Variants in TNKS observed in about 807,000 individuals in gnomAD.
TNKS encodes poly [ADP-ribose] polymerase tankyrase-1.
In TNKS, 72 loss-of-function variants were observed where a neutral mutation model predicts 135.8. That is an observed-to-expected ratio of 0.53 (90% CI 0.44 to 0.64). The LOEUF is 0.64. TNKS is among the 30% of genes least tolerant of loss of function. The pLI, the probability that TNKS is intolerant of heterozygous loss-of-function variation, is 0.00. For synonymous variants in TNKS, 849 were observed against 649.3 expected (o/e 1.31, Z -4.68); for missense variants, 1,769 against 1,674.0 (o/e 1.06, Z -0.99).
chr8:9,647,832 G>T (rs1004421991), intron 3 of TNKS, among the ~76,000 whole-genome samples: 4 of 152,286 alleles, frequency 2.6e-5, no homozygotes, highest in Non-Finnish European at 4.4e-5. Flanking sequence ...AGTTGTCATT[G>T]TGTGAACATC....
chr8:9,619,069 C>T (rs1275831693), intron 3 of TNKS, among the ~76,000 whole-genome samples: 2 of 152,072 alleles, frequency 1.3e-5, no homozygotes, highest in African/African-American at 4.8e-5. Context: ...TTTATTCTTC[C>T]CTGTGAATTT....
intron 25 of TNKS, among the ~76,000 whole-genome samples, chr8:9,766,698 C>G (rs1325279510): frequency 6.6e-6 from 1 of 152,062 alleles, no homozygotes; most frequent in Non-Finnish European, 1.5e-5. Context: ...GTTGGCCAAG[C>G]TGGTCTCGAA....
chr8:9,694,591 G>A (rs964869804), intron 5 of TNKS, among the ~76,000 whole-genome samples: 9 of 151,850 alleles, frequency 5.9e-5, no homozygotes, highest in East Asian at 5.8e-4. Context: ...GTGAAACTCC[G>A]CCTCTACTAA....
chr8:9,650,107 G>C lies in TNKS; in HGVS notation c.995-29844G>C, dbSNP rs1005221553. Among the ~76,000 whole-genome samples, 5 of 151,986 alleles carry C rather than the reference G, an allele frequency of 3.3e-5. No individual in the cohort carries two copies. The East Asian group carries it at 7.7e-4, about 24-fold the overall frequency. On this transcript the variant is annotated intron_variant, in intron 3 of 26. Coordinates refer to ENST00000310430, the MANE Select transcript of TNKS (RefSeq NM_003747.3). ...GGGTTTCACCATGTTGCCCAGGCTG[G>C]TTTCAAATTCCTGACCTCAGGTGAT...
chr8:9,661,853 A>G (rs1801732065), intron 3 of TNKS, among the ~76,000 whole-genome samples: 1 of 152,240 alleles, frequency 6.6e-6, no homozygotes, highest in Non-Finnish European at 1.5e-5. Flanking sequence ...AAGGGCTAAT[A>G]TCCAGAATTT....
intron 3 of TNKS, chr8:9,671,056 G>C (rs1246205897): frequency 6.6e-6 from 1 of 152,154 alleles, no homozygotes; most frequent in Non-Finnish European, 1.5e-5. Flanking sequence ...TATGAGGCAA[G>C]GTTGGTATCT....
intron 2 of TNKS, among the ~76,000 whole-genome samples, chr8:9,606,119 T>C (rs1301593297): frequency 8.9e-6 from 1 of 112,098 alleles, no homozygotes; most frequent in East Asian, 2.9e-4. Flanking sequence ...TTTGAGTTAA[T>C]GTGTTTGTGT....
intron 17 of TNKS, chr8:9,741,133 A>G (rs1805937834): frequency 6.6e-6 from 1 of 152,166 alleles, no homozygotes; most frequent in Non-Finnish European, 1.5e-5. Flanking sequence ...TTGACCCTTA[A>G]GTTATAACTT....
At chr8:9,664,503 C>G (rs1310625502) in intron 3 of TNKS, among the ~76,000 whole-genome samples, 1 of 152,316 alleles carries the variant, frequency 6.6e-6, no homozygotes, top group East Asian at 1.9e-4. Context: ...AAGGCACAAA[C>G]ATTCAAACTG....
intron 5 of TNKS, among the ~76,000 whole-genome samples, chr8:9,683,469 A>G (rs1802865918): frequency 6.6e-6 from 1 of 152,068 alleles, no homozygotes; most frequent in South Asian, 2.1e-4. Context: ...AACACAGCGT[A>G]GAAGCGAATC....
In TNKS at chr8:9,563,954, C is replaced by T. The variant is rs373216734; in HGVS notation, c.673+7342C>T. 5.3e-5 allele frequency among the ~76,000 whole-genome samples: 8 copies of T among 152,036 alleles called. No individual in the cohort carries two copies. In the East Asian group the frequency reaches 9.6e-4, roughly 18 times the overall value. On this transcript the variant is annotated intron_variant, in intron 1 of 26. Coordinates refer to ENST00000310430, the MANE Select transcript of TNKS (RefSeq NM_003747.3). ...AGGTCTGAGATAGTTAAGGTAATCC[C>T]CCCTGTCCCTTTTTGTTGTGCTACA...
intron 26 of TNKS, among the ~76,000 whole-genome samples, chr8:9,774,788 T>G (rs1373930749): frequency 6.6e-6 from 1 of 152,196 alleles, no homozygotes; most frequent in Non-Finnish European, 1.5e-5. Flanking sequence ...TCCCCTTAAA[T>G]CATGAGCTAC....
At chr8:9,681,336 C>T (rs1295770878) in intron 5 of TNKS, among the ~76,000 whole-genome samples, 1 of 152,008 alleles carries the variant, frequency 6.6e-6, no homozygotes, top group Non-Finnish European at 1.5e-5. Flanking sequence ...TAGATTAAAA[C>T]AGAGAGGAAT....
At chr8:9,604,508 A>G (rs985201085) in intron 2 of TNKS, among the ~76,000 whole-genome samples, 2 of 152,078 alleles carry the variant, frequency 1.3e-5, no homozygotes, top group Non-Finnish European at 2.9e-5. Context: ...TATAACGTAT[A>G]TTAAGCTAGG....
intron 5 of TNKS, among the ~76,000 whole-genome samples, chr8:9,684,445 G>T (rs1802904391): frequency 6.6e-6 from 1 of 151,932 alleles, no homozygotes; most frequent in Non-Finnish European, 1.5e-5. Context: ...AGAGTTCTTT[G>T]TGGTTCCTCT....
intron 22 of TNKS, 45 bp downstream of exon 22, chr8:9,763,289 TG>T: frequency 7.5e-7 from 1 of 1,325,458 alleles, no homozygotes; most frequent in Non-Finnish European, 1.1e-6. Flanking sequence ...TTGAAATCTG[TG>T]GATAAACCTC....
rs1054939162 is a variant in TNKS, at chr8:9,580,478, G to C, written c.898+95G>C. ...GTGTTTCCTGAGAATAGGTAAGGAA[G>C]GGTTTATTGCTTCTTGTAGAAGCAG... On this transcript the variant is annotated intron_variant, in intron 2 of 26. Coordinates refer to ENST00000310430, the MANE Select transcript of TNKS (RefSeq NM_003747.3). 2.7e-6 allele frequency: 3 copies of C among 1,096,158 alleles called. No individual in the cohort carries two copies. The South Asian group carries it at 4.7e-5, about 17-fold the overall frequency. The allele number at this position is 1,096,158 out of a possible 1,614,324, so 67.9% of individuals were successfully genotyped here.
intron 2 of TNKS, among the ~76,000 whole-genome samples, chr8:9,593,079 C>T (rs1488367590): frequency 6.6e-6 from 1 of 152,118 alleles, no homozygotes; most frequent in Non-Finnish European, 1.5e-5. Context: ...AGATTAAACC[C>T]ATGAATTGCC....
intron 1 of TNKS, among the ~76,000 whole-genome samples, chr8:9,576,498 T>G (rs1585186618): frequency 7.3e-6 from 1 of 137,374 alleles, no homozygotes; most frequent in Admixed American, 8.1e-5. Flanking sequence ...TGAGATGGAG[T>G]CTGGCTCTGT....
Sources: gnomAD v4.1 joint callset for allele counts (sites outside exome capture counted in the v4.1 genomes callset) on GRCh38, gnomAD v4.1.1 for gene constraint, MANE v1.5 for transcripts, NCBI Gene and HGNC (gene_info 2026-07-23, HGNC 2026-07-21) for gene names.